The following DENND4B variants were observed in gnomAD, a reference collection of about 807,000 sequenced individuals.
DENND4B encodes DENN domain containing 4B.
A neutral mutation model predicts 161.0 loss-of-function variants in DENND4B; 67 were observed. The observed-to-expected ratio is 0.42, with a 90% CI of 0.34 to 0.51. The LOEUF is 0.51. DENND4B is among the 20% of genes least tolerant of loss of function. The pLI, the probability that DENND4B is intolerant of heterozygous loss-of-function variation, is 0.08. For missense variants in DENND4B, 1,481 were observed against 1,968.0 expected (o/e 0.75, Z 4.68); for synonymous variants, 753 against 813.8 (o/e 0.93, Z 1.27).
At position 153,937,668 on chromosome 1, in the gene DENND4B, T is replaced by C. The variant is rs1679429701; in HGVS notation, c.2106-54A>G. ...GGCAGTCAGCACAGGGCGAAGCGAG[T>C]TGGACTGGACCAGTCTATGGGACCC... On this transcript the variant is annotated intron_variant, in intron 14 of 27. Coordinates refer to ENST00000361217, the MANE Select transcript of DENND4B (RefSeq NM_014856.3). The surrounding 1 kb of genome is among the most constrained non-coding windows in gnomAD (Gnocchi z 4.7). The C allele has an allele frequency of 6.2e-7, 1 of 1,612,902 alleles. No individual in the cohort carries two copies. The highest frequency in any genetic ancestry group is 8.5e-7 in the Non-Finnish European group (1 of 1,179,066).
chr1:153,932,774 G>A lies in DENND4B; in HGVS notation c.3627C>T (p.Val1209=), dbSNP rs200058194. 2.0e-5 allele frequency: 33 copies of A among 1,614,006 alleles called. No individual in the cohort carries two copies. The Admixed American group carries it at 5.3e-4, about 26-fold the overall frequency. Residue 1209 remains valine, a synonymous_variant, in exon 23 of 28, where the codon GTC becomes GTT. Transcript: ENST00000361217. The surrounding 1 kb of genome is among the most constrained non-coding windows in gnomAD (Gnocchi z 5.8). Reference sequence around the variant, plus strand: ...TGGCACCAGCAGATTTGGGGCTGGGGACACTGCAGGGGGATAGCAGCAGGG... The same window carrying A: ...TGGCACCAGCAGATTTGGGGCTGGGAACACTGCAGGGGGATAGCAGCAGGG... ...SVQTLDSRPS[V]PSPKSAGASG...
In DENND4B at chr1:153,944,382, C is replaced by A. The variant is rs545959826; in HGVS notation, c.-8G>T. On this transcript the variant is annotated 5_prime_UTR_variant, in exon 2 of 28. Coordinates refer to ENST00000361217, the MANE Select transcript of DENND4B (RefSeq NM_014856.3). The surrounding 1 kb of genome is among the most constrained non-coding windows in gnomAD (Gnocchi z 4.8). ...GGGCCGCTCCTCCGCCATGGCCCCC[C>A]CCTCACTCACTGCATCTGGAATGGT... The A allele has an allele frequency of 6.9e-6, 11 of 1,599,824 alleles. No homozygotes were observed. Among genetic ancestry groups the A allele is most frequent in the Admixed American group, 3.5e-5 (2 of 57,904 alleles).
Position 153,941,969 on chromosome 1 carries a change from C to G in DENND4B, c.955G>C (p.Ala319Pro). 6.2e-7 allele frequency: 1 copy of G among 1,612,312 alleles called. No homozygotes were observed. The highest frequency in any genetic ancestry group is 2.2e-5 in the East Asian group (1 of 44,888). ...GRAVRSRRAI[A>P]VLSRWPAFPA... ...AAGGCAGGCCAGCGGGACAGCACAG[C>G]GATGGCACGCCGGCTGCGCACAGCT... is the stretch of plus-strand genomic sequence containing the variant. Residue 319 changes from alanine to proline, a missense_variant, in exon 6 of 28, where the codon GCT (alanine) becomes CCT (proline). Ala to Pro is a conservative substitution (Grantham distance 27). Around this residue, in one of 3 missense-constraint regions of DENND4B, gnomAD observed 806 missense variants for 1,134.4 expected, o/e 0.71. Transcript: ENST00000361217.
At position 153,934,802 on chromosome 1, in the gene DENND4B, CCTG is replaced by C. The variant is rs3835302; in HGVS notation, c.2728_2730del (p.Gln910del). The C allele has an allele frequency of 4.4e-4, 671 of 1,513,354 alleles. No homozygotes were observed. The highest frequency in any genetic ancestry group is 1.1e-3 in the Middle Eastern group (6 of 5,634). The allele number at this position is 1,513,354 out of a possible 1,614,324, so 93.7% of individuals were successfully genotyped here. A position where few individuals can be genotyped will look rare whatever the true frequency, so the allele number is the denominator to read the frequency against. On this transcript the variant is annotated inframe_deletion, in exon 18 of 28. Coordinates refer to ENST00000361217, the MANE Select transcript of DENND4B (RefSeq NM_014856.3). This position sits in a 1 kb window ranked among gnomAD's most constrained non-coding sequence, Gnocchi z 5.3. ...GCCTCTTGATGTGCTGACACCTGCTCCTGCTGCTGCTGCTGCTGCTGCTGCTGT... is the reference window on the plus strand; with the variant it reads ...GCCTCTTGATGTGCTGACACCTGCTCCTGCTGCTGCTGCTGCTGCTGCTGT...
Position 153,937,744 on chromosome 1 carries a change from A to G in DENND4B, c.2085T>C (p.Ser695=). Residue 695 remains serine, a synonymous_variant, in exon 14 of 28, where the codon AGT becomes AGC. Coordinates refer to ENST00000361217, the MANE Select transcript of DENND4B (RefSeq NM_014856.3). The surrounding 1 kb of genome is among the most constrained non-coding windows in gnomAD (Gnocchi z 4.7). ...PPEEPALPEG[S]ESTPQYCYDG... Reference sequence around the variant, plus strand: ...CTCACCAGTACTGGGGAGTGGATTCACTGCCCTCTGGTAAGGCAGGCTCCT... The same window carrying G: ...CTCACCAGTACTGGGGAGTGGATTCGCTGCCCTCTGGTAAGGCAGGCTCCT... 6.2e-7 allele frequency: 1 copy of G among 1,614,058 alleles called. No individual in the cohort carries two copies. The highest frequency in any genetic ancestry group is 8.5e-7 in the Non-Finnish European group (1 of 1,179,904).
rs1678783185 is a variant in DENND4B at position 153,929,507 on chromosome 1, G to A, written c.*790C>T. ...AGGGAACAGGAGGCCGAAGGAAAAA[G>A]ACAGAAGCAGCTTTTACTATATTTA... On this transcript the variant is annotated 3_prime_UTR_variant, in exon 28 of 28. Transcript: ENST00000361217. 6.6e-6 allele frequency: 1 copy of A among 152,320 alleles called. No homozygotes were observed. Among genetic ancestry groups the A allele is most frequent in the South Asian group, 2.1e-4 (1 of 4,832 alleles). The allele number at this position is 152,320 out of a possible 1,614,324, so 9.4% of individuals were successfully genotyped here.
chr1:153,933,741 G>C lies in DENND4B; in HGVS notation c.3072C>G (p.Ala1024=). The change falls in exon 20 of 28, where the codon GCC becomes GCG. Residue 1024 remains alanine, a synonymous_variant. Transcript: ENST00000361217. This position sits in a 1 kb window ranked among gnomAD's most constrained non-coding sequence, Gnocchi z 5.7. ...PGGSPGGSGS[A]LSAQSTEALE... ...GGGCCTCAGTGGACTGGGCACTCAG[G>C]GCTGAGCCTGAGCCCCCTGGGCTGC... The C allele has an allele frequency of 6.3e-7, 1 of 1,598,920 alleles. No homozygotes were observed. Among genetic ancestry groups the C allele is most frequent in the Non-Finnish European group, 8.5e-7 (1 of 1,173,282 alleles).
chr1:153,930,892 G>C lies in DENND4B; in HGVS notation c.4115-35C>G, dbSNP rs778085882. ...AGGAAAGAAGGCCACCAGAATCACT[G>C]AGCCCTCTGGGTATGGGACCCACCC... is the stretch of plus-strand genomic sequence containing the variant. On this transcript the variant is annotated intron_variant, in intron 25 of 27. Transcript: ENST00000361217. The surrounding 1 kb of genome is among the most constrained non-coding windows in gnomAD (Gnocchi z 4.7). 1 of 1,595,586 alleles carries C rather than the reference G, an allele frequency of 6.3e-7. No individual in the cohort carries two copies. Among genetic ancestry groups the C allele is most frequent in the Non-Finnish European group, 8.5e-7 (1 of 1,171,798 alleles).
At position 153,942,742 on chromosome 1, in the gene DENND4B, G is replaced by C; in HGVS notation, c.571-117C>G. 1 of 1,474,906 alleles carries C rather than the reference G, an allele frequency of 6.8e-7. No individual in the cohort carries two copies. The allele number at this position is 1,474,906 out of a possible 1,614,324, so 91.4% of individuals were successfully genotyped here. ...GTCTTTAAAGCTCCCATTAATCCCAGTGCCCCAAGACCAGAGTTACCCCTC... is the reference window on the plus strand; with the variant it reads ...GTCTTTAAAGCTCCCATTAATCCCACTGCCCCAAGACCAGAGTTACCCCTC... On this transcript the variant is annotated intron_variant, in intron 3 of 27. Transcript: ENST00000361217. The surrounding 1 kb of genome is among the most constrained non-coding windows in gnomAD (Gnocchi z 6.9).
intron 12 of DENND4B, 67 bp downstream of exon 12, chr1:153,939,522 G>T: frequency 6.6e-7 from 1 of 1,514,946 alleles, no homozygotes; most frequent in Non-Finnish European, 8.9e-7. Context: ...CCGCCTTTCT[G>T]ACAGAGCCCA....
chr1:153,940,636 A>G lies in DENND4B; in HGVS notation c.1327-30T>C, dbSNP rs202197270. 636 of 1,603,726 alleles carry G rather than the reference A, an allele frequency of 4.0e-4. 1 individual carries two copies. The African/African-American group carries it at 7.7e-3, about 20-fold the overall frequency. ...AGCACCAGGCAGTGAGAACCAGTGA[A>G]CAGGGGGTTGAGGCAGCAGTGGGAG... On this transcript the variant is annotated intron_variant, in intron 9 of 27. Transcript: ENST00000361217. This position sits in a 1 kb window ranked among gnomAD's most constrained non-coding sequence, Gnocchi z 5.6.
chr1:153,930,922 C>G lies in DENND4B; in HGVS notation c.4114+25G>C. The G allele has an allele frequency of 6.2e-7, 1 of 1,601,082 alleles. No homozygotes were observed. Reference sequence around the variant, plus strand: ...CTCTGGGTATGGGACCCACCCTCCCCACCCAGGCCAAATACCAGACTCACT... The same window carrying G: ...CTCTGGGTATGGGACCCACCCTCCCGACCCAGGCCAAATACCAGACTCACT... On this transcript the variant is annotated intron_variant, in intron 25 of 27. Coordinates refer to ENST00000361217, the MANE Select transcript of DENND4B (RefSeq NM_014856.3). The surrounding 1 kb of genome is among the most constrained non-coding windows in gnomAD (Gnocchi z 4.7).
rs1247020127 is a variant in DENND4B at position 153,942,030 on chromosome 1, C to T, written c.894G>A (p.Leu298=). ...GTGCCCGACCCCGCTCCACGGCGCTCAGCAGGCCCAGTGCCCGTGCCTGTC... is the reference window on the plus strand; with the variant it reads ...GTGCCCGACCCCGCTCCACGGCGCTTAGCAGGCCCAGTGCCCGTGCCTGTC... ...SERQARALGL[L]SAVERGRALG... The change falls in exon 6 of 28, where the codon CTG becomes CTA. Residue 298 remains leucine, a synonymous_variant. Coordinates refer to ENST00000361217, the MANE Select transcript of DENND4B (RefSeq NM_014856.3). The surrounding 1 kb of genome is among the most constrained non-coding windows in gnomAD (Gnocchi z 6.9). 6.2e-7 allele frequency: 1 copy of T among 1,611,486 alleles called. No homozygotes were observed. Among genetic ancestry groups the T allele is most frequent in the East Asian group, 2.2e-5 (1 of 44,786 alleles).
Position 153,930,152 on chromosome 1 carries a change from C to T in DENND4B, c.*145G>A, listed in dbSNP as rs144590886. ...CTTTTGGTAACAGTGGATCCCTCTT[C>T]CTGTTGTCCTCGCTTGGAGCCTTTG... On this transcript the variant is annotated 3_prime_UTR_variant, in exon 28 of 28. Coordinates refer to ENST00000361217, the MANE Select transcript of DENND4B (RefSeq NM_014856.3). The surrounding 1 kb of genome is among the most constrained non-coding windows in gnomAD (Gnocchi z 4.7). 2,027 of 1,110,130 alleles carry T rather than the reference C, an allele frequency of 1.8e-3. 5 individuals are homozygous for T. The highest frequency in any genetic ancestry group is 0.013 in the Middle Eastern group (48 of 3,722). 68.8% of individuals were successfully genotyped at this position (1,110,130 alleles called of 1,614,324 possible). A position where few individuals can be genotyped will look rare whatever the true frequency, so the allele number is the denominator to read the frequency against.
chr1:153,943,659 CAG>C (rs1242860407), intron 2 of DENND4B, among the ~76,000 whole-genome samples: 2 of 120,088 alleles, frequency 1.7e-5, no homozygotes, highest in Non-Finnish European at 3.2e-5. Context: ...GCCTGAGTGA[CAG>C]AGAGAGACTC....
rs376949568 is a variant in DENND4B, at chr1:153,932,815, T to C, written c.3624-38A>G. 1 of 1,613,282 alleles carries C rather than the reference T, an allele frequency of 6.2e-7. No individual in the cohort carries two copies. The highest frequency in any genetic ancestry group is 1.1e-5 in the South Asian group (1 of 91,050). ...AGCAGCAGGGGTCAGCTTTTGGACC[T>C]TCACCTCCCTATTCCCACCCACAGC... is the stretch of plus-strand genomic sequence containing the variant. On this transcript the variant is annotated intron_variant, in intron 22 of 27. Transcript: ENST00000361217. The surrounding 1 kb of genome is among the most constrained non-coding windows in gnomAD (Gnocchi z 5.8).
In DENND4B at chr1:153,940,053, A is replaced by G; in HGVS notation, c.1603+103T>C. The G allele has an allele frequency of 3.8e-6, 4 of 1,063,068 alleles. No homozygotes were observed. Among genetic ancestry groups the G allele is most frequent in the Non-Finnish European group, 5.4e-6 (4 of 745,502 alleles). The allele number at this position is 1,063,068 out of a possible 1,614,324, so 65.9% of individuals were successfully genotyped here. On this transcript the variant is annotated intron_variant, in intron 11 of 27. Transcript: ENST00000361217. The surrounding 1 kb of genome is among the most constrained non-coding windows in gnomAD (Gnocchi z 5.6). ...TTCCACCAAATGCAATCCTAACTTCACTCACCTCCTTAAGAAATGTCTAGC... is the reference window on the plus strand; with the variant it reads ...TTCCACCAAATGCAATCCTAACTTCGCTCACCTCCTTAAGAAATGTCTAGC...
At chr1:153,931,514 T>C (rs1678925990) in intron 24 of DENND4B, among the ~76,000 whole-genome samples, 1 of 151,086 alleles carries the variant, frequency 6.6e-6, no homozygotes, top group Non-Finnish European at 1.5e-5. Flanking sequence ...TTTTTTTTTT[T>C]TGAGACAGAG....
chr1:153,936,131 C>T lies in DENND4B; in HGVS notation c.2497G>A (p.Val833Met). Residue 833 changes from valine (V) to methionine (M), a missense_variant, in exon 17 of 28, where the codon GTG becomes ATG. Coordinates refer to ENST00000361217, the MANE Select transcript of DENND4B (RefSeq NM_014856.3). This position sits in a 1 kb window ranked among gnomAD's most constrained non-coding sequence, Gnocchi z 4.1. The stretch of plus-strand genomic sequence containing the variant: ...TGACGCATCTCCAGCATGACCCGCA[C>T]AGACAGCACAGGCTGCCCATAGTGT... Reference protein sequence around the residue: ...CSHYGQPVLSVRVMLEMRQAG... With the variant: ...CSHYGQPVLSMRVMLEMRQAG... 1 of 1,611,366 alleles carries T rather than the reference C, an allele frequency of 6.2e-7. No individual in the cohort carries two copies. Among genetic ancestry groups the T allele is most frequent in the Non-Finnish European group, 8.5e-7 (1 of 1,178,872 alleles).
Sources: gnomAD v4.1 joint callset for allele counts (sites outside exome capture counted in the v4.1 genomes callset) on GRCh38, gnomAD v4.1.1 for gene constraint, gnomAD v4.1.1 regional missense constraint, Gnocchi (gnomAD v3.1) non-coding constraint, MANE v1.5 for transcripts, NCBI Gene and HGNC (gene_info 2026-07-23, HGNC 2026-07-21) for gene names.